STARD5: variants seen among roughly 807,000 people sequenced by gnomAD.
STARD5 encodes StAR related lipid transfer domain containing 5.
Under a neutral mutation model 24.6 loss-of-function variants are expected in STARD5, and 26 were observed. The observed-to-expected ratio is 1.06, with a 90% CI of 0.77 to 1.47. STARD5 has a LOEUF of 1.47. Ranked by LOEUF, STARD5 falls within the 40% of genes most tolerant of loss-of-function variation. The pLI is 0.00. For synonymous variants in STARD5, 101 were observed against 99.7 expected (o/e 1.01, Z -0.07); for missense variants, 254 against 270.8 (o/e 0.94, Z 0.44).
At chr15:81,314,749 A>G (rs1051815350) in intron 5 of STARD5, among the ~76,000 whole-genome samples, 1 of 152,010 alleles carries the variant, frequency 6.6e-6, no homozygotes, top group Non-Finnish European at 1.5e-5. Flanking sequence ...AGCCAGGCAT[A>G]GTGGCAGGTG....
Position 81,313,229 on chromosome 15 carries a change from G to A in STARD5, c.*27C>T, listed in dbSNP as rs991056024. On this transcript the variant is annotated 3_prime_UTR_variant, in exon 6 of 6. Transcript: ENST00000302824. ...TGGAGCTCCTCGATGAGTCACGGGAGTTCTTTGCCAAGAAGTAACGATAGC... is the reference window on the plus strand; with the variant it reads ...TGGAGCTCCTCGATGAGTCACGGGAATTCTTTGCCAAGAAGTAACGATAGC... 2 of 1,519,354 alleles carry A rather than the reference G, an allele frequency of 1.3e-6. No homozygotes were observed. The highest frequency in any genetic ancestry group is 1.8e-6 in the Non-Finnish European group (2 of 1,128,454). 94.1% of individuals were successfully genotyped at this position (1,519,354 alleles called of 1,614,324 possible).
chr15:81,322,320 T>C, intron 3 of STARD5, 88 bp downstream of exon 3: 1 of 1,549,642 alleles, frequency 6.5e-7, no homozygotes, highest in Non-Finnish European at 8.8e-7. Flanking sequence ...ACAAAAGGTA[T>C]CACGGACCCC....
intron 4 of STARD5, among the ~76,000 whole-genome samples, chr15:81,318,859 G>A (rs1901136578): frequency 6.6e-6 from 1 of 152,208 alleles, no homozygotes; most frequent in Non-Finnish European, 1.5e-5. Flanking sequence ...GGAGGAGGCA[G>A]GTGCCTCTCT....
chr15:81,316,185 C>A (rs1050818885), intron 5 of STARD5, among the ~76,000 whole-genome samples: 2 of 152,198 alleles, frequency 1.3e-5, no homozygotes, highest in African/African-American at 4.8e-5. Context: ...TTGTGCCTTG[C>A]TCAAACGTCT....
At chr15:81,317,166 C>T (rs552408924) in intron 5 of STARD5, among the ~76,000 whole-genome samples, 30 of 146,172 alleles carry the variant, frequency 2.1e-4, no homozygotes, top group African/African-American at 6.0e-4. Flanking sequence ...CACTGCACTC[C>T]GGCCTGGGTG....
chr15:81,309,684 A>C lies in STARD5; in HGVS notation c.*3572T>G, dbSNP rs1900753521. On this transcript the variant is annotated 3_prime_UTR_variant, in exon 6 of 6. Coordinates refer to ENST00000302824, the MANE Select transcript of STARD5 (RefSeq NM_181900.3). ...CCAGTAAACAGAGGAGTACAGGTGA[A>C]GCACCAAGCTCAAAGCGTGGACAGG... 2 of 152,292 alleles carry C rather than the reference A, an allele frequency of 1.3e-5. No individual in the cohort carries two copies. Among genetic ancestry groups the C allele is most frequent in the South Asian group, 4.1e-4 (2 of 4,836 alleles). 9.4% of individuals were successfully genotyped at this position (152,292 alleles called of 1,614,324 possible). A position where few individuals can be genotyped will look rare whatever the true frequency, so the allele number is the denominator to read the frequency against.
intron 3 of STARD5, among the ~76,000 whole-genome samples, chr15:81,319,706 G>A (rs560773613): frequency 2.0e-5 from 3 of 152,308 alleles, no homozygotes; most frequent in African/African-American, 4.8e-5. Flanking sequence ...CTGAGGTCAC[G>A]TCTCATGTGA....
rs990257409 is a variant in STARD5, at chr15:81,322,834, G to C, written c.149+65C>G. 6 of 1,590,122 alleles carry C rather than the reference G, an allele frequency of 3.8e-6. No individual in the cohort carries two copies. In the African/African-American group the frequency reaches 5.4e-5, roughly 14 times the overall value. On this transcript the variant is annotated intron_variant, in intron 2 of 5. Coordinates refer to ENST00000302824, the MANE Select transcript of STARD5 (RefSeq NM_181900.3). ...GTTGATTTGAATATTTTAGGAGGCA[G>C]GCCCATAAAGATACCAGGAAGGGTG...
At chr15:81,321,869 T>C (rs1893296882) in intron 3 of STARD5, among the ~76,000 whole-genome samples, 1 of 152,202 alleles carries the variant, frequency 6.6e-6, no homozygotes, top group Non-Finnish European at 1.5e-5. Context: ...AAAAGAATGA[T>C]GTCATTGCTT....
chr15:81,317,238 C>G (rs908067756), intron 5 of STARD5, among the ~76,000 whole-genome samples: 1 of 150,472 alleles, frequency 6.6e-6, no homozygotes, highest in Non-Finnish European at 1.5e-5. Flanking sequence ...TGCTACCTGG[C>G]ATGAGGGCGT....
chr15:81,324,092 G>T lies in STARD5; in HGVS notation c.8C>A (p.Pro3Gln), dbSNP rs769776976. The T allele has an allele frequency of 1.4e-5, 21 of 1,485,958 alleles. No individual in the cohort carries two copies. The African/African-American group carries it at 2.8e-4, about 20-fold the overall frequency. The allele number at this position is 1,485,958 out of a possible 1,614,324, so 92.0% of individuals were successfully genotyped here. A position where few individuals can be genotyped will look rare whatever the true frequency, so the allele number is the denominator to read the frequency against. The change falls in exon 1 of 6, where the codon CCG becomes CAG. Residue 3 changes from proline (P) to glutamine (Q), a missense_variant. Transcript: ENST00000302824. MDPALAAQMSEAV... is the reference protein window; with the variant it reads MDQALAAQMSEAV... ...CTCGCTCATCTGGGCTGCCAGCGCCGGGTCCATTGCGTCGGGAGCTGCGCT... is the reference window on the plus strand; with the variant it reads ...CTCGCTCATCTGGGCTGCCAGCGCCTGGTCCATTGCGTCGGGAGCTGCGCT...
intron 5 of STARD5, among the ~76,000 whole-genome samples, chr15:81,315,027 C>T (rs1901051796): frequency 1.3e-5 from 2 of 152,062 alleles, no homozygotes; most frequent in Non-Finnish European, 2.9e-5. Flanking sequence ...GGCTTTTCTC[C>T]TCTGCTTGTG....
chr15:81,323,761 G>A (rs963374834), intron 1 of STARD5: 5 of 727,424 alleles, frequency 6.9e-6, no homozygotes, highest in African/African-American at 5.3e-5. Flanking sequence ...ACAGCCAGGT[G>A]ACCTTGGGCA....
chr15:81,319,189 C>A, intron 4 of STARD5, 150 bp downstream of exon 4: 4 of 717,018 alleles, frequency 5.6e-6, no homozygotes, highest in Non-Finnish European at 9.8e-6. Context: ...GCCCTGAGTC[C>A]CCCCAAACCC....
chr15:81,322,844 G>T (rs1893316071), intron 2 of STARD5, 55 bp downstream of exon 2: 3 of 1,605,778 alleles, frequency 1.9e-6, no homozygotes, highest in African/African-American at 2.7e-5. Context: ...GGCCCATAAA[G>T]ATACCAGGAA....
chr15:81,323,767 G>A lies in STARD5; in HGVS notation c.99+234C>T, dbSNP rs543158463. On this transcript the variant is annotated intron_variant, in intron 1 of 5. Coordinates refer to ENST00000302824, the MANE Select transcript of STARD5 (RefSeq NM_181900.3). ...CAGCATTCAACAGCCAGGTGACCTT[G>A]GGCAAGTCACTGAGTGAAAGGAACA... is the stretch of plus-strand genomic sequence containing the variant. 1.1e-5 allele frequency: 8 copies of A among 719,346 alleles called. No homozygotes were observed. In the African/African-American group the frequency reaches 1.2e-4, roughly 11 times the overall value. 44.6% of individuals were successfully genotyped at this position (719,346 alleles called of 1,614,324 possible). A position where few individuals can be genotyped will look rare whatever the true frequency, so the allele number is the denominator to read the frequency against.
At position 81,322,694 on chromosome 15, in the gene STARD5, C is replaced by T. The variant is rs1893313755; in HGVS notation, c.150-154G>A. The stretch of plus-strand genomic sequence containing the variant: ...GGGCTGAAAGTCACTAGCCCCGCCT[C>T]CCTTCAGGCCTGCAGAAATGGACAG... On this transcript the variant is annotated intron_variant, in intron 2 of 5. Coordinates refer to ENST00000302824, the MANE Select transcript of STARD5 (RefSeq NM_181900.3). The T allele has an allele frequency of 4.5e-6, 6 of 1,321,520 alleles. No individual in the cohort carries two copies. The South Asian group carries it at 5.5e-5, about 12-fold the overall frequency. The allele number at this position is 1,321,520 out of a possible 1,614,324, so 81.9% of individuals were successfully genotyped here.
intron 5 of STARD5, among the ~76,000 whole-genome samples, chr15:81,316,141 C>T (rs1013351774): frequency 2.6e-5 from 4 of 152,176 alleles, no homozygotes; most frequent in Admixed American, 6.5e-5. Context: ...TGCCAGAATG[C>T]TCGCTCCACC....
At chr15:81,319,081 T>C (rs1901141285) in intron 4 of STARD5, among the ~76,000 whole-genome samples, 1 of 149,986 alleles carries the variant, frequency 6.7e-6, no homozygotes, top group Non-Finnish European at 1.5e-5. Context: ...GCACACACCA[T>C]GAGCTTCCGC....
Sources: gnomAD v4.1 joint callset for allele counts (sites outside exome capture counted in the v4.1 genomes callset) on GRCh38, gnomAD v4.1.1 for gene constraint, MANE v1.5 for transcripts, NCBI Gene and HGNC (gene_info 2026-07-23, HGNC 2026-07-21) for gene names.